C5orf24: variants seen among roughly 807,000 people sequenced by gnomAD.
C5orf24 encodes the protein chromosome 5 open reading frame 24, also known as UPF0461 protein C5orf24.
C5orf24 carries 4 observed loss-of-function variants against 9.8 expected under a neutral mutation model. The observed-to-expected ratio is 0.41, with a 90% confidence interval of 0.20 to 0.93. The LOEUF is 0.93. Ranked by LOEUF, C5orf24 falls within the 40% of genes least tolerant of loss-of-function variation. The pLI, the probability that C5orf24 is intolerant of heterozygous loss-of-function variation, is 0.33. For synonymous variants in C5orf24, 73 were observed against 81.3 expected (o/e 0.90, Z 0.55); for missense variants, 170 against 236.9 (o/e 0.72, Z 1.85).
chr5:134,846,014 G>A lies in C5orf24; in HGVS notation c.-202G>A, dbSNP rs1474180526. The A allele has an allele frequency of 6.6e-6, 1 of 152,322 alleles. No individual in the cohort carries two copies. The highest frequency in any genetic ancestry group is 2.4e-5 in the African/African-American group (1 of 41,470). 9.4% of individuals were successfully genotyped at this position (152,322 alleles called of 1,614,324 possible). A position where few individuals can be genotyped will look rare whatever the true frequency, so the allele number is the denominator to read the frequency against. On this transcript the variant is annotated 5_prime_UTR_variant, in exon 1 of 2. Coordinates refer to ENST00000394976, the MANE Select transcript of C5orf24 (RefSeq NM_001135586.1). ...CCTCTTCGTACTGCGTCCGGGGCAG[G>A]ACCGTGCGCGGCGGCCGCGGCGGGT...
chr5:134,854,712 AGAAGAAGTGTCCTT>A (rs1202506131), intron 1 of C5orf24, among the ~76,000 whole-genome samples, 172 bp from the exon 2 acceptor site: 1 of 152,194 alleles, frequency 6.6e-6, no homozygotes, highest in African/African-American at 2.4e-5. Context: ...GATTAAATTG[AGAAGAAGTGTCCTT>A]GAATCTGCTG....
At chr5:134,850,915 T>C (rs1294667797) in intron 1 of C5orf24, among the ~76,000 whole-genome samples, 1 of 148,574 alleles carries the variant, frequency 6.7e-6, no homozygotes, top group African/African-American at 2.6e-5. Flanking sequence ...AGATTATGAA[T>C]GTTCATATAT....
chr5:134,839,222 CTGAGT>C, the C5orf24 span, among the ~76,000 whole-genome samples: 1 of 151,250 alleles, frequency 6.6e-6, no homozygotes, highest in African/African-American at 2.4e-5. Flanking sequence ...AAAACCCAAT[CTGAGT>C]TAATTTTCTA....
the C5orf24 span, among the ~76,000 whole-genome samples, chr5:134,834,842 C>T: frequency 2.6e-5 from 4 of 151,482 alleles, no homozygotes; most frequent in South Asian, 2.1e-4. Context: ...GTTAGGAGTT[C>T]GAGACCAGCC....
intron 1 of C5orf24, among the ~76,000 whole-genome samples, chr5:134,847,084 G>T (rs56364908): frequency 5.3e-5 from 8 of 152,266 alleles, no homozygotes; most frequent in Admixed American, 3.9e-4. Context: ...TGGCAGTAAT[G>T]ACTGCCACAT....
chr5:134,847,705 A>ATTT (rs57323019), intron 1 of C5orf24, among the ~76,000 whole-genome samples: 1 of 134,958 alleles, frequency 7.4e-6, no homozygotes, highest in Non-Finnish European at 1.6e-5. Flanking sequence ...TATTCATCCT[A>ATTT]TTTTTTTTTT....
chr5:134,840,305 CAAAAAAAAAAA>C, the C5orf24 span, among the ~76,000 whole-genome samples: 4 of 53,418 alleles, frequency 7.5e-5, no homozygotes, highest in East Asian at 4.7e-4. Context: ...GACTGCATCT[CAAAAAAAAAAA>C]AAAAAAAAAA....
chr5:134,840,817 T>A (rs1360377754), upstream of C5orf24, among the ~76,000 whole-genome samples: 2 of 152,134 alleles, frequency 1.3e-5, no homozygotes, highest in East Asian at 3.9e-4. Flanking sequence ...ATTATAGGCA[T>A]AAGCCATTGC....
upstream of C5orf24, among the ~76,000 whole-genome samples, chr5:134,841,180 A>AT (rs1284897359): frequency 6.6e-6 from 1 of 151,952 alleles, no homozygotes. Context: ...GGATTATGTT[A>AT]TTTCTTCAAT....
chr5:134,845,116 A>C (rs924566826), upstream of C5orf24, among the ~76,000 whole-genome samples: 27 of 152,164 alleles, frequency 1.8e-4, no homozygotes, highest in African/African-American at 6.5e-4. Flanking sequence ...AGTTTGAATG[A>C]ATGGGCTTGC....
chr5:134,855,018 A>G lies in C5orf24; in HGVS notation c.118A>G (p.Ser40Gly), dbSNP rs752080201. 6.2e-7 allele frequency: 1 copy of G among 1,614,070 alleles called. No homozygotes were observed. Among genetic ancestry groups the G allele is most frequent in the African/African-American group, 1.3e-5 (1 of 74,932 alleles). ...GTTTGACATATATTCCTCCCAGCAA[A>G]GCAAATACAGCCACACAGTCAACCA... ...DQFDIYSSQQ[S>G]KYSHTVNHKP... The change falls in exon 2 of 2, where the codon AGC (serine) becomes GGC (glycine). Residue 40 changes from serine to glycine, a missense_variant. By Grantham distance (56) the Ser-to-Gly change is moderately conservative. This residue lies in a region of C5orf24 where 93 missense variants were observed against 104.5 expected (regional missense o/e 0.89). Transcript: ENST00000394976.
chr5:134,838,527 A>G, the C5orf24 span, among the ~76,000 whole-genome samples: 1 of 152,112 alleles, frequency 6.6e-6, no homozygotes, highest in East Asian at 1.9e-4. Flanking sequence ...AAAATTAGCC[A>G]GGCATGTTGG....
rs761947415 is a variant in C5orf24, at chr5:134,855,451, A to G, written c.551A>G (p.Lys184Arg). The G allele has an allele frequency of 6.8e-6, 11 of 1,614,194 alleles. No homozygotes were observed. Among genetic ancestry groups the G allele is most frequent in the South Asian group, 2.2e-5 (2 of 91,078 alleles). The change falls in exon 2 of 2, where the codon AAA becomes AGA. Residue 184 changes from lysine (K) to arginine (R), a missense_variant. Around this residue, in one of 3 missense-constraint regions of C5orf24, gnomAD observed 56 missense variants for 60.3 expected, o/e 0.93. Coordinates refer to ENST00000394976, the MANE Select transcript of C5orf24 (RefSeq NM_001135586.1). The stretch of plus-strand genomic sequence containing the variant: ...GTAGAGGAAACTAGCAGTGAAGTCA[A>G]ACCACCCAATGAGTGAATGAGGCAG... ...HGVEETSSEV[K>R]PPNE
intron 1 of C5orf24, among the ~76,000 whole-genome samples, chr5:134,850,994 ATATT>A (rs34043118): frequency 0.059 from 8,677 of 147,402 alleles, 453 homozygotes; most frequent in African/African-American, 0.15. Context: ...AGAAATACAT[ATATT>A]TATTTATTTA....
chr5:134,844,158 T>G (rs1302267513), upstream of C5orf24, among the ~76,000 whole-genome samples: 1 of 152,174 alleles, frequency 6.6e-6, no homozygotes, highest in African/African-American at 2.4e-5. Flanking sequence ...AGATTTGGAA[T>G]AGTGATTATA....
upstream of C5orf24, among the ~76,000 whole-genome samples, chr5:134,844,935 A>T (rs1425485689): frequency 6.6e-6 from 1 of 151,890 alleles, no homozygotes; most frequent in Non-Finnish European, 1.5e-5. Context: ...AAGGGGTTTC[A>T]CCATGTTAGT....
chr5:134,853,563 G>A (rs538048976), intron 1 of C5orf24, among the ~76,000 whole-genome samples: 1 of 127,982 alleles, frequency 7.8e-6, no homozygotes, highest in East Asian at 2.4e-4. Flanking sequence ...TATTTCAAGA[G>A]CAGGAATCTT....
rs2150178341 is a variant in C5orf24, at chr5:134,858,446, A to G, written c.*2979A>G. 1 of 167,030 alleles carries G rather than the reference A, an allele frequency of 6.0e-6. No individual in the cohort carries two copies. The highest frequency in any genetic ancestry group is 1.9e-4 in the East Asian group (1 of 5,196). 10.3% of individuals were successfully genotyped at this position (167,030 alleles called of 1,614,324 possible). On this transcript the variant is annotated 3_prime_UTR_variant, in exon 2 of 2. Coordinates refer to ENST00000394976, the MANE Select transcript of C5orf24 (RefSeq NM_001135586.1). ...GAAATAGCATGTTAAACAGTTGCCT[A>G]TACTTTAATATAATCAGTTGGGGAA...
In C5orf24 at chr5:134,856,248, G is replaced by T. The variant is rs1200870865; in HGVS notation, c.*781G>T. On this transcript the variant is annotated 3_prime_UTR_variant, in exon 2 of 2. Transcript: ENST00000394976. The stretch of plus-strand genomic sequence containing the variant: ...TTGGTGAAATATAGTGCATTCTGAG[G>T]ATAGCATATTTCATATAATAGAAAA... 1 of 991,110 alleles carries T rather than the reference G, an allele frequency of 1.0e-6. No individual in the cohort carries two copies. The highest frequency in any genetic ancestry group is 1.2e-6 in the Non-Finnish European group (1 of 821,942). 61.4% of individuals were successfully genotyped at this position (991,110 alleles called of 1,614,324 possible).
Sources: gnomAD v4.1 joint callset for allele counts (sites outside exome capture counted in the v4.1 genomes callset) on GRCh38, gnomAD v4.1.1 for gene constraint, gnomAD v4.1.1 regional missense constraint, MANE v1.5 for transcripts, NCBI Gene and HGNC (gene_info 2026-07-23, HGNC 2026-07-21) for gene names.